CREB3L3: variants seen among roughly 807,000 people sequenced by gnomAD.
The protein encoded by CREB3L3 is cAMP responsive element binding protein 3 like 3.
CREB3L3 carries 40 observed loss-of-function variants against 44.6 expected under a neutral mutation model. The observed-to-expected ratio is 0.90, with a 90% confidence interval of 0.70 to 1.17. CREB3L3 has a LOEUF of 1.17. Ranked by LOEUF, CREB3L3 falls within the 50% of genes most tolerant of loss-of-function variation. The pLI, the probability that CREB3L3 is intolerant of heterozygous loss-of-function variation, is 0.00. For synonymous variants in CREB3L3, 273 were observed against 256.3 expected, an observed-to-expected ratio of 1.06 and a Z score of -0.62; for missense variants, 578 against 595.8, an observed-to-expected ratio of 0.97 and a Z score of 0.31.
chr19:4,160,740 CT>C (rs36045723), intron 4 of CREB3L3, among the ~76,000 whole-genome samples: 41 of 139,582 alleles, frequency 2.9e-4, no homozygotes, highest in Admixed American at 5.1e-4. Flanking sequence ...TTTCTTTTTT[CT>C]TTTTTTTTTT....
chr19:4,161,198 G>A (rs1269355000), intron 4 of CREB3L3, among the ~76,000 whole-genome samples: 3 of 152,042 alleles, frequency 2.0e-5, no homozygotes, highest in Admixed American at 6.6e-5. Context: ...TCCTGACCTC[G>A]TGATCTGCCC....
In CREB3L3 at chr19:4,168,406, C is replaced by A; in HGVS notation, c.770C>A (p.Ala257Glu). Reference protein sequence around the residue: ...IRRKIRNKQSAQESRKKKKEY... With the variant: ...IRRKIRNKQSEQESRKKKKEY... ...CGGAAAATCCGGAACAAGCAGTCGGCGCAAGAAAGCAGGAAGAAGAAGAAG... is the reference window on the plus strand; with the variant it reads ...CGGAAAATCCGGAACAAGCAGTCGGAGCAAGAAAGCAGGAAGAAGAAGAAG... Residue 257 changes from alanine to glutamate, a missense_variant, in exon 6 of 10, where the codon GCG (alanine) becomes GAG (glutamate). Ala to Glu is a moderately radical substitution (Grantham distance 107). Transcript: ENST00000078445. 2.5e-6 allele frequency: 4 copies of A among 1,611,170 alleles called. No individual in the cohort carries two copies. Among genetic ancestry groups the A allele is most frequent in the Non-Finnish European group, 3.4e-6 (4 of 1,178,398 alleles).
intron 4 of CREB3L3, among the ~76,000 whole-genome samples, chr19:4,162,514 T>TGCAAA (rs2041673366): frequency 5.4e-5 from 1 of 18,462 alleles, no homozygotes; most frequent in Admixed American, 8.7e-4. Context: ...ACCTCGTCTC[T>TGCAAA]ACAAAAAAAA....
At chr19:4,155,364 CT>C (rs35228769) in intron 2 of CREB3L3, among the ~76,000 whole-genome samples, 389 of 142,304 alleles carry the variant, frequency 2.7e-3, no homozygotes, top group Middle Eastern at 7.2e-3. Context: ...CTTTCTTCTT[CT>C]TTTTTTTTTT....
intron 2 of CREB3L3, among the ~76,000 whole-genome samples, 174 bp from the exon 3 acceptor site, chr19:4,156,821 T>C (rs957817218): frequency 6.6e-6 from 1 of 152,016 alleles, no homozygotes; most frequent in Non-Finnish European, 1.5e-5. Flanking sequence ...ATTTTTATGC[T>C]ATGTTACTGC....
Position 4,153,769 on chromosome 19 carries a change from G to A in CREB3L3, c.22G>A (p.Gly8Arg), listed in dbSNP as rs776714605. The stretch of plus-strand genomic sequence containing the variant: ...ACCCATGAATACGGATTTAGCTGCT[G>A]GAAAGGTGAGCCCTACTAGGTCCCC... The part of the protein sequence containing the change: MNTDLAA[G>R]KMASAACSMD... The change falls in exon 1 of 10, where the codon GGA (glycine) becomes AGA (arginine). Residue 8 changes from glycine to arginine, a missense_variant. Transcript: ENST00000078445. 1.1e-5 allele frequency: 17 copies of A among 1,614,098 alleles called. No homozygotes were observed. The highest frequency in any genetic ancestry group is 1.4e-5 in the Non-Finnish European group (17 of 1,180,010).
chr19:4,155,869 T>C (rs183101873), intron 2 of CREB3L3, among the ~76,000 whole-genome samples: 3,190 of 151,494 alleles, frequency 0.021, 108 homozygotes, highest in African/African-American at 0.073. Flanking sequence ...TACCTCAACT[T>C]CCCGAGTAGC....
intron 5 of CREB3L3, among the ~76,000 whole-genome samples, chr19:4,167,978 T>TTTATTTA (rs936278408): frequency 1.6e-5 from 2 of 124,738 alleles, no homozygotes; most frequent in African/African-American, 2.9e-5. Context: ...AATTATTTTA[T>TTTATTTA]TTATTTATTT....
chr19:4,170,229 G>A, intron 7 of CREB3L3, 21 bp downstream of exon 7: 1 of 1,613,442 alleles, frequency 6.2e-7, no homozygotes, highest in Non-Finnish European at 8.5e-7. Context: ...GTCCAGCTGG[G>A]GCAGAGGACA....
At position 4,168,363 on chromosome 19, in the gene CREB3L3, G is replaced by A. The variant is rs775855992; in HGVS notation, c.727G>A (p.Val243Met). 1.2e-6 allele frequency: 2 copies of A among 1,610,228 alleles called. No individual in the cohort carries two copies. The highest frequency in any genetic ancestry group is 1.7e-5 in the Admixed American group (1 of 59,814). The change falls in exon 6 of 10, where the codon GTG (valine) becomes ATG (methionine). Residue 243 changes from valine (V) to methionine (M), a missense_variant. Transcript: ENST00000078445. ...TTTCACTTGGCAGTACGAGGAGCGAGTGCTGAAAAAAATCCGCCGGAAAAT... is the reference window on the plus strand; with the variant it reads ...TTTCACTTGGCAGTACGAGGAGCGAATGCTGAAAAAAATCCGCCGGAAAAT... ...QLPLTKYEER[V>M]LKKIRRKIRN...
intron 4 of CREB3L3, among the ~76,000 whole-genome samples, chr19:4,162,142 A>G (rs1279985314): frequency 6.6e-6 from 1 of 152,016 alleles, no homozygotes; most frequent in Non-Finnish European, 1.5e-5. Flanking sequence ...GGTAGCTAGG[A>G]CTACAGGTGC....
At chr19:4,160,098 C>G (rs191784716) in intron 4 of CREB3L3, among the ~76,000 whole-genome samples, 120 of 152,064 alleles carry the variant, frequency 7.9e-4, no homozygotes, top group Non-Finnish European at 1.4e-3. Context: ...GAGTTTGAGA[C>G]CAGCCTGGGC....
chr19:4,154,967 G>T lies in CREB3L3; in HGVS notation c.96G>T (p.Arg32=). 6.2e-7 allele frequency: 1 copy of T among 1,613,156 alleles called. No individual in the cohort carries two copies. The highest frequency in any genetic ancestry group is 1.1e-5 in the South Asian group (1 of 91,080). The change falls in exon 2 of 10, where the codon CGG becomes CGT. Residue 32 remains arginine, a synonymous_variant. Transcript: ENST00000078445. ...SFELLDLLFD[R]QDGILRHVEL... Reference sequence around the variant, plus strand: ...AGCTCCTGGATCTCCTGTTTGACCGGCAGGACGGCATCCTGAGACACGTGG... The same window carrying T: ...AGCTCCTGGATCTCCTGTTTGACCGTCAGGACGGCATCCTGAGACACGTGG...
chr19:4,167,999 T>TTATTTATTTATC (rs1281649235), intron 5 of CREB3L3, among the ~76,000 whole-genome samples: 4 of 146,126 alleles, frequency 2.7e-5, no homozygotes, highest in East Asian at 4.3e-4. Context: ...ATTTATTTAT[T>TTATTTATTTATC]TATCTATTTA....
chr19:4,159,613 C>T (rs749713245), intron 3 of CREB3L3, 51 bp from the exon 4 acceptor site: 6 of 852,596 alleles, frequency 7.0e-6, no homozygotes, highest in Non-Finnish European at 1.2e-5. Context: ...AAGCTCAGGA[C>T]TCCCCCCGTC....
chr19:4,155,179 C>G, intron 2 of CREB3L3, 152 bp downstream of exon 2: 1 of 974,934 alleles, frequency 1.0e-6, no homozygotes, highest in Non-Finnish European at 1.5e-6. Context: ...TTTAGCCAAG[C>G]ACATCATTTA....
intron 6 of CREB3L3, among the ~76,000 whole-genome samples, chr19:4,168,866 G>A (rs769210706): frequency 6.6e-6 from 1 of 151,954 alleles, no homozygotes; most frequent in Admixed American, 6.6e-5. Context: ...CCAGAAGCTG[G>A]GATTACAGGT....
At chr19:4,167,834 G>A (rs1228592653) in intron 5 of CREB3L3, among the ~76,000 whole-genome samples, 5 of 152,010 alleles carry the variant, frequency 3.3e-5, no homozygotes, top group African/African-American at 9.7e-5. Context: ...CTGCCTCTGG[G>A]TCCTTGGCTC....
chr19:4,164,456 A>G (rs1422581009), intron 4 of CREB3L3, 47 bp from the exon 5 acceptor site: 1 of 1,611,824 alleles, frequency 6.2e-7, no homozygotes, highest in South Asian at 1.1e-5. Context: ...TCCTGAAGGC[A>G]GTTGGCGTCC....
Sources: gnomAD v4.1 joint callset for allele counts (sites outside exome capture counted in the v4.1 genomes callset) on GRCh38, gnomAD v4.1.1 for gene constraint, MANE v1.5 for transcripts, NCBI Gene and HGNC (gene_info 2026-07-23, HGNC 2026-07-21) for gene names.